The following PRTG variants were observed in gnomAD, a reference collection of about 807,000 sequenced individuals.
PRTG encodes the protein protogenin.
Under a neutral mutation model 122.5 loss-of-function variants are expected in PRTG, and 67 were observed. The ratio of observed to expected loss-of-function variants is 0.55; its 90% CI spans 0.45 to 0.67. PRTG has a LOEUF of 0.67. Among genes scored for constraint, PRTG ranks in the 30% least tolerant of loss-of-function variants. The probability of loss-of-function intolerance (pLI) is 0.00; values close to 1 mark genes in which losing one functional copy is unlikely to be tolerated. For synonymous variants in PRTG, 554 were observed against 501.1 expected (o/e 1.11, Z -1.41); for missense variants, 1,435 against 1,415.4 (o/e 1.01, Z -0.22).
intron 2 of PRTG, among the ~76,000 whole-genome samples, chr15:55,726,586 T>C (rs1190004251): frequency 1.3e-5 from 2 of 148,940 alleles, no homozygotes; most frequent in African/African-American, 5.0e-5. Flanking sequence ...GAGCCGAGGC[T>C]ATGCCATGCA....
intron 12 of PRTG, chr15:55,640,071 G>A (rs1400097132): frequency 1.8e-6 from 1 of 552,516 alleles, no homozygotes; most frequent in Non-Finnish European, 2.3e-6. Context: ...AAATGTGTTA[G>A]GTTTTTCATC....
rs2059153088 is a variant in PRTG at position 55,619,117 on chromosome 15, C to T, written c.*895G>A. On this transcript the variant is annotated 3_prime_UTR_variant, in exon 20 of 20. Transcript: ENST00000389286. ...ACTAGACAGTGCAGCCTTTGGCCAA[C>T]CGTCAGGCAAAGGGGAAGGTAGAAA... 1 of 152,120 alleles carries T rather than the reference C, an allele frequency of 6.6e-6. No homozygotes were observed. The highest frequency in any genetic ancestry group is 2.4e-5 in the African/African-American group (1 of 41,426). 9.4% of individuals were successfully genotyped at this position (152,120 alleles called of 1,614,324 possible). A position where few individuals can be genotyped will look rare whatever the true frequency, so the allele number is the denominator to read the frequency against.
At position 55,620,343 on chromosome 15, in the gene PRTG, C is replaced by T. The variant is rs1477563481; in HGVS notation, c.3199-77G>A. The T allele has an allele frequency of 1.9e-6, 3 of 1,564,332 alleles. No individual in the cohort carries two copies. In the African/African-American group the frequency reaches 4.1e-5, roughly 21 times the overall value. ...CGAGCAAAAGCTCATCAGGTCCCCA[C>T]AGACAGGTGGGAGCACATCAGAATT... On this transcript the variant is annotated intron_variant, in intron 19 of 19. Transcript: ENST00000389286.
At chr15:55,713,227 A>G (rs1204647206) in intron 2 of PRTG, among the ~76,000 whole-genome samples, 2 of 152,210 alleles carry the variant, frequency 1.3e-5, no homozygotes, top group Admixed American at 6.5e-5. Flanking sequence ...TCTATATACA[A>G]ATGGTATCAT....
intron 11 of PRTG, among the ~76,000 whole-genome samples, chr15:55,645,512 A>T (rs2059317182): frequency 6.7e-6 from 1 of 150,320 alleles, no homozygotes; most frequent in Non-Finnish European, 1.5e-5. Flanking sequence ...AGGCAGTAAG[A>T]GTGATCAGCT....
At chr15:55,739,655 T>C (rs1435577625) in intron 2 of PRTG, among the ~76,000 whole-genome samples, 1 of 152,198 alleles carries the variant, frequency 6.6e-6, no homozygotes, top group East Asian at 1.9e-4. Flanking sequence ...GGCCTATCTT[T>C]ACACGCAACA....
chr15:55,694,707 T>TA (rs1176007094), intron 2 of PRTG, among the ~76,000 whole-genome samples: 1 of 152,230 alleles, frequency 6.6e-6, no homozygotes, highest in East Asian at 1.9e-4. Flanking sequence ...CAATGAATGT[T>TA]AGAGCCTTTT....
At chr15:55,670,604 C>T (rs1044412167) in intron 11 of PRTG, among the ~76,000 whole-genome samples, 2 of 152,124 alleles carry the variant, frequency 1.3e-5, no homozygotes, top group African/African-American at 4.8e-5. Flanking sequence ...TCTTCATTTA[C>T]AAAACTGTGT....
chr15:55,702,927 A>G (rs1368081944), intron 2 of PRTG: 14 of 985,286 alleles, frequency 1.4e-5, no homozygotes, highest in Non-Finnish European at 1.7e-5. Context: ...CATATCCTGC[A>G]GACACATGTC....
Position 55,628,923 on chromosome 15 carries a change from C to T in PRTG, c.2705G>A (p.Gly902Glu). 6.2e-7 allele frequency: 1 copy of T among 1,613,966 alleles called. No individual in the cohort carries two copies. ...IVKISASNEV[G>E]EGPFSNSVEL... is the part of the protein sequence containing the mutation. ...CACAGAATTTGAAAAGGGTCCTTCT[C>T]CCACCTCATTGGATGCAGATATCTT... The change falls in exon 16 of 20, where the codon GGA becomes GAA. Residue 902 changes from glycine to glutamate, a missense_variant. Coordinates refer to ENST00000389286, the MANE Select transcript of PRTG (RefSeq NM_173814.6).
At chr15:55,666,273 G>GGGCATCAGCCTTACTGGATTAGAA (rs2059439028) in intron 11 of PRTG, among the ~76,000 whole-genome samples, 1 of 152,126 alleles carries the variant, frequency 6.6e-6, no homozygotes, top group Non-Finnish European at 1.5e-5. Flanking sequence ...CTTCTTATAA[G>GGGCATCAGCCTTACTGGATTAGAA]GGCATCAGCC....
chr15:55,679,912 GT>G, intron 6 of PRTG, 141 bp downstream of exon 6: 1 of 664,614 alleles, frequency 1.5e-6, no homozygotes, highest in Non-Finnish European at 2.5e-6. Flanking sequence ...ATAAATATTT[GT>G]TTTTTCCTGA....
chr15:55,728,722 T>C (rs563530991), intron 2 of PRTG, among the ~76,000 whole-genome samples: 6 of 151,762 alleles, frequency 4.0e-5, no homozygotes, highest in African/African-American at 1.2e-4. Flanking sequence ...ACCACTGTGA[T>C]TTAACATTGT....
chr15:55,656,306 A>ACTT (rs1567085775), intron 11 of PRTG: 1 of 452,284 alleles, frequency 2.2e-6, no homozygotes, highest in South Asian at 1.6e-5. Context: ...TGTTTTGTGG[A>ACTT]ATGTCTCACA....
At chr15:55,645,210 C>T (rs181381809) in intron 11 of PRTG, among the ~76,000 whole-genome samples, 2,062 of 150,882 alleles carry the variant, frequency 0.014, 49 homozygotes, top group African/African-American at 0.04. Context: ...CCGAGACGGG[C>T]GGATCACGAG....
chr15:55,662,906 C>T (rs148075284), intron 11 of PRTG, among the ~76,000 whole-genome samples: 1,819 of 152,270 alleles, frequency 0.012, 23 homozygotes, highest in African/African-American at 0.042. Context: ...AACAATAATT[C>T]GCCATCTCAG....
chr15:55,711,516 T>C (rs1334042045), intron 2 of PRTG, among the ~76,000 whole-genome samples: 5 of 152,208 alleles, frequency 3.3e-5, no homozygotes, highest in Non-Finnish European at 7.3e-5. Context: ...TACCAGGTCC[T>C]TGAGAAGCGC....
chr15:55,723,757 T>C (rs1315361678), intron 2 of PRTG, among the ~76,000 whole-genome samples: 2 of 141,574 alleles, frequency 1.4e-5, no homozygotes, highest in African/African-American at 5.5e-5. Flanking sequence ...TTTTTCTTTT[T>C]TTTTTTTTTT....
At chr15:55,620,351 TGGGAG>T in intron 19 of PRTG, 85 bp from the exon 20 acceptor site, 2 of 1,548,872 alleles carry the variant, frequency 1.3e-6, no homozygotes. Flanking sequence ...CACAGACAGG[TGGGAG>T]CACATCAGAA....
Sources: allele counts gnomAD v4.1 joint callset (sites outside exome capture counted in the v4.1 genomes callset), GRCh38; gene constraint gnomAD v4.1.1; transcripts MANE v1.5; gene names NCBI Gene and HGNC (gene_info 2026-07-23, HGNC 2026-07-21).